KCTD1: variants seen among roughly 807,000 people sequenced by gnomAD.
KCTD1 encodes potassium channel tetramerization domain containing 1, also known as BTB/POZ domain-containing protein KCTD1.
In KCTD1, 24 loss-of-function variants were observed where a neutral mutation model predicts 66.0. The observed-to-expected ratio is 0.36, with a 90% CI of 0.26 to 0.51. The LOEUF (loss-of-function observed/expected upper bound fraction) is 0.51, where lower values mean the gene tolerates loss of function less well. Among genes scored for constraint, KCTD1 ranks in the 20% least tolerant of loss-of-function variants. The pLI, the probability that KCTD1 is intolerant of heterozygous loss-of-function variation, is 0.95. For missense variants in KCTD1, 943 were observed against 1,205.2 expected (o/e 0.78, Z 3.22); for synonymous variants, 511 against 517.2 (o/e 0.99, Z 0.16).
intron 1 of KCTD1, among the ~76,000 whole-genome samples, chr18:26,651,732 C>T (rs1470031191): frequency 2.1e-5 from 3 of 141,356 alleles, no homozygotes; most frequent in Non-Finnish European, 4.5e-5. Flanking sequence ...TGCAGTGAGC[C>T]GAGATCGAGC....
At position 26,455,829 on chromosome 18, in the gene KCTD1, A is replaced by G. The variant is rs1411610303; in HGVS notation, c.2512T>C (p.Phe838Leu). ...TCCCGCCGAAGGACGTATTCGCTGAACTGGGACGAGTCTACTCCTCCCCCA... is the reference window on the plus strand; with the variant it reads ...TCCCGCCGAAGGACGTATTCGCTGAGCTGGGACGAGTCTACTCCTCCCCCA... ...SCGGGVDSSQ[F>L]SEYVLRRELR... is the part of the protein sequence containing the mutation. The change falls in exon 5 of 5, where the codon TTC (phenylalanine) becomes CTC (leucine). Residue 838 changes from phenylalanine (F) to leucine (L), a missense_variant. Transcript: ENST00000580059. 1 of 1,614,192 alleles carries G rather than the reference A, an allele frequency of 6.2e-7. No individual in the cohort carries two copies. The highest frequency in any genetic ancestry group is 8.5e-7 in the Non-Finnish European group (1 of 1,180,040).
intron 1 of KCTD1, among the ~76,000 whole-genome samples, chr18:26,588,339 G>A (rs974558496): frequency 4.6e-5 from 7 of 151,742 alleles, no homozygotes; most frequent in Non-Finnish European, 1.0e-4. Context: ...GGAGGGGAGG[G>A]GAGTGGAGGG....
At chr18:26,639,088 G>A (rs1320663014) in intron 1 of KCTD1, among the ~76,000 whole-genome samples, 1 of 152,156 alleles carries the variant, frequency 6.6e-6, no homozygotes, top group African/African-American at 2.4e-5. Flanking sequence ...AGAGTCCCCT[G>A]GGGAGAAACA....
At chr18:26,498,149 C>CCTTT (rs1982573440) in intron 2 of KCTD1, among the ~76,000 whole-genome samples, 1 of 152,132 alleles carries the variant, frequency 6.6e-6, no homozygotes. Context: ...AGAAATCAGA[C>CCTTT]CTTTCCATAG....
In KCTD1 at chr18:26,548,321, C is replaced by T. The variant is rs761038361; in HGVS notation, c.216G>A (p.Thr72=). The change falls in exon 1 of 5, where the codon ACG becomes ACA. Residue 72 remains threonine, a synonymous_variant. Transcript: ENST00000580059. ...EEDEIQEVQI[T]GDEEEEEDGG... ...CGTCCTCCTCCTCCTCCTCGTCCCC[C>T]GTTATCTGCACCTCCTGGATCTCGT... The T allele has an allele frequency of 2.3e-5, 35 of 1,500,240 alleles. No individual in the cohort carries two copies. The highest frequency in any genetic ancestry group is 2.8e-5 in the African/African-American group (2 of 71,570). 92.9% of individuals were successfully genotyped at this position (1,500,240 alleles called of 1,614,324 possible). A position where few individuals can be genotyped will look rare whatever the true frequency, so the allele number is the denominator to read the frequency against.
At chr18:26,620,978 G>A (rs1191986507) in intron 1 of KCTD1, among the ~76,000 whole-genome samples, 4 of 151,756 alleles carry the variant, frequency 2.6e-5, no homozygotes, top group African/African-American at 4.8e-5. Context: ...GACTACAGGC[G>A]CCCGCCACCA....
At chr18:26,505,032 A>G (rs1375297750) in intron 1 of KCTD1, among the ~76,000 whole-genome samples, 2 of 152,222 alleles carry the variant, frequency 1.3e-5, no homozygotes, top group African/African-American at 4.8e-5. Flanking sequence ...TCAGCCTCCC[A>G]CCTCTAGATT....
intron 1 of KCTD1, among the ~76,000 whole-genome samples, chr18:26,605,203 G>A (rs1244814834): frequency 6.6e-6 from 1 of 152,164 alleles, no homozygotes; most frequent in Non-Finnish European, 1.5e-5. Context: ...TAGCTGCAAG[G>A]GAAGCTGGGA....
At chr18:26,600,323 G>A in intron 1 of KCTD1, 1 of 1,553,568 alleles carries the variant, frequency 6.4e-7, no homozygotes, top group Non-Finnish European at 8.9e-7. Flanking sequence ...CTGAGCAATA[G>A]CAATCTTCAT....
chr18:26,499,659 T>C (rs1399485068), intron 2 of KCTD1, among the ~76,000 whole-genome samples: 3 of 152,212 alleles, frequency 2.0e-5, no homozygotes, highest in Non-Finnish European at 4.4e-5. Flanking sequence ...TCGGCCTTCA[T>C]GTAGTATGCA....
At chr18:26,640,157 T>C (rs959419877) in intron 1 of KCTD1, among the ~76,000 whole-genome samples, 2 of 151,602 alleles carry the variant, frequency 1.3e-5, no homozygotes, top group African/African-American at 2.4e-5. Context: ...AGAATGAGAG[T>C]GTGGCTGCAG....
intron 1 of KCTD1, among the ~76,000 whole-genome samples, chr18:26,507,929 A>C (rs959315718): frequency 6.6e-6 from 1 of 152,190 alleles, no homozygotes; most frequent in Non-Finnish European, 1.5e-5. Flanking sequence ...ACAGTTGTAT[A>C]CATACGCACA....
rs576710160 is a variant in KCTD1, at chr18:26,657,234, G to A, written c.9+126C>T. ...TTCCTAGTCGCCCGCCGCGGCGGGC[G>A]GCGTGTGTGCGAGTGTGCCGCGCTC... On this transcript the variant is annotated intron_variant, in intron 1 of 4. Transcript: ENST00000580191. 2.9e-4 allele frequency: 208 copies of A among 710,576 alleles called. No individual in the cohort carries two copies. In the African/African-American group the frequency reaches 3.8e-3, roughly 13 times the overall value. The allele number at this position is 710,576 out of a possible 1,614,324, so 44.0% of individuals were successfully genotyped here. A position where few individuals can be genotyped will look rare whatever the true frequency, so the allele number is the denominator to read the frequency against.
intron 1 of KCTD1, among the ~76,000 whole-genome samples, chr18:26,603,934 C>T (rs7229197): frequency 0.056 from 8,513 of 152,004 alleles, 299 homozygotes; most frequent in South Asian, 0.14. Flanking sequence ...AGAGCTTCTG[C>T]ACACAGAAAA....
intron 1 of KCTD1, among the ~76,000 whole-genome samples, chr18:26,638,535 C>T (rs1318436641): frequency 6.6e-6 from 1 of 152,230 alleles, no homozygotes; most frequent in Non-Finnish European, 1.5e-5. Context: ...GTTTGAATCA[C>T]GTCTCTACTG....
At chr18:26,504,874 A>T (rs1309855870) in intron 1 of KCTD1, among the ~76,000 whole-genome samples, 1 of 152,174 alleles carries the variant, frequency 6.6e-6, no homozygotes, top group Non-Finnish European at 1.5e-5. Flanking sequence ...CTGGATGGAC[A>T]CTGAAGTCCA....
At chr18:26,613,422 G>C (rs1987180887) in intron 1 of KCTD1, among the ~76,000 whole-genome samples, 1 of 152,144 alleles carries the variant, frequency 6.6e-6, no homozygotes. Flanking sequence ...TGCTCATCTG[G>C]ATTTTCTATC....
intron 1 of KCTD1, among the ~76,000 whole-genome samples, chr18:26,521,282 T>A (rs1448918402): frequency 6.6e-6 from 1 of 152,222 alleles, no homozygotes; most frequent in East Asian, 1.9e-4. Flanking sequence ...ACCCTTGACA[T>A]CACTATCTCA....
In KCTD1 at chr18:26,656,864, G is replaced by A. The variant is rs1988159814; in HGVS notation, c.9+496C>T. Among the ~76,000 whole-genome samples, 3 of 130,240 alleles carry A rather than the reference G, an allele frequency of 2.3e-5. No homozygotes were observed. In the South Asian group the frequency reaches 8.1e-4, roughly 35 times the overall value. 85.4% of individuals were successfully genotyped at this position (130,240 alleles called of 152,430 possible). A position where few individuals can be genotyped will look rare whatever the true frequency, so the allele number is the denominator to read the frequency against. On this transcript the variant is annotated intron_variant, in intron 1 of 4. Transcript: ENST00000580191. ...TGCGGGCGCGGAGCTTTGCGCCGGG[G>A]AAGAAAGGGACGCGCGGGGCTCGGG...
Sources: allele counts gnomAD v4.1 joint callset (sites outside exome capture counted in the v4.1 genomes callset), GRCh38; gene constraint gnomAD v4.1.1; transcripts MANE v1.5; gene names NCBI Gene and HGNC (gene_info 2026-07-23, HGNC 2026-07-21).